GALNTL6: variants seen among roughly 807,000 people sequenced by gnomAD.
The protein encoded by GALNTL6 is polypeptide N-acetylgalactosaminyltransferase like 6.
Under a neutral mutation model 73.7 loss-of-function variants are expected in GALNTL6, and 46 were observed. The ratio of observed to expected loss-of-function variants is 0.62; its 90% CI spans 0.49 to 0.80. The LOEUF (loss-of-function observed/expected upper bound fraction) is 0.80. Among genes scored for constraint, GALNTL6 ranks in the 30% least tolerant of loss-of-function variants. The pLI, the probability that GALNTL6 is intolerant of heterozygous loss-of-function variation, is 0.00. For missense variants in GALNTL6, 604 were observed against 755.0 expected (o/e 0.80, Z 2.34); for synonymous variants, 259 against 263.7 (o/e 0.98, Z 0.17).
intron 2 of GALNTL6, among the ~76,000 whole-genome samples, chr4:172,168,492 A>G (rs55736759): frequency 0.15 from 23,347 of 152,138 alleles, 2,143 homozygotes; most frequent in East Asian, 0.32. Flanking sequence ...GATGATGATG[A>G]TGGTGCTGGT....
At chr4:172,277,656 A>G (rs1039234452) in intron 3 of GALNTL6, among the ~76,000 whole-genome samples, 1 of 152,152 alleles carries the variant, frequency 6.6e-6, no homozygotes, top group African/African-American at 2.4e-5. Flanking sequence ...CCACACTGAC[A>G]TATGTTAATG....
chr4:172,215,277 T>C (rs1736459532), intron 2 of GALNTL6, among the ~76,000 whole-genome samples: 1 of 152,132 alleles, frequency 6.6e-6, no homozygotes, highest in African/African-American at 2.4e-5. Context: ...TGATTGACAG[T>C]ATGGTTCAGG....
chr4:172,087,526 T>C lies in GALNTL6; in HGVS notation c.139-142130T>C, dbSNP rs191362793. Among the ~76,000 whole-genome samples, 466 of 151,784 alleles carry C rather than the reference T, an allele frequency of 3.1e-3. 4 individuals carry two copies. Among genetic ancestry groups the C allele is most frequent in the East Asian group, 0.019 (98 of 5,170 alleles). Reference sequence around the variant, plus strand: ...TGAAACAAGATAGAAATGTATATAGTAATAATGTTCCGTGTTCCACAAACA... The same window carrying C: ...TGAAACAAGATAGAAATGTATATAGCAATAATGTTCCGTGTTCCACAAACA... On this transcript the variant is annotated intron_variant, in intron 2 of 12. Coordinates refer to ENST00000506823, the MANE Select transcript of GALNTL6 (RefSeq NM_001034845.3).
intron 2 of GALNTL6, among the ~76,000 whole-genome samples, chr4:172,115,527 T>C (rs1732963264): frequency 6.6e-6 from 1 of 152,142 alleles, no homozygotes; most frequent in Non-Finnish European, 1.5e-5. Context: ...TTCCAAAATA[T>C]TGGTTTCACA....
intron 3 of GALNTL6, among the ~76,000 whole-genome samples, chr4:172,311,131 T>C (rs1740343065): frequency 6.6e-6 from 1 of 152,200 alleles, no homozygotes; most frequent in Non-Finnish European, 1.5e-5. Context: ...ATTCCATTTC[T>C]GGGGATTTAT....
chr4:172,824,096 G>A (rs1428866768), intron 7 of GALNTL6, among the ~76,000 whole-genome samples: 1 of 152,148 alleles, frequency 6.6e-6, no homozygotes, highest in Non-Finnish European at 1.5e-5. Context: ...TATGCCCTTA[G>A]AATGGGAGGG....
chr4:172,041,414 A>G (rs996157409), intron 2 of GALNTL6, among the ~76,000 whole-genome samples: 2 of 152,084 alleles, frequency 1.3e-5, no homozygotes, highest in Admixed American at 6.6e-5. Flanking sequence ...ATTTTAAAAC[A>G]TATTTAAAAT....
chr4:171,865,918 A>G (rs1022957482), intron 2 of GALNTL6, among the ~76,000 whole-genome samples: 1 of 152,188 alleles, frequency 6.6e-6, no homozygotes, highest in Non-Finnish European at 1.5e-5. Context: ...TACGTAACAA[A>G]TAAGACACTT....
At chr4:172,222,218 G>A (rs971019578) in intron 2 of GALNTL6, among the ~76,000 whole-genome samples, 1 of 151,922 alleles carries the variant, frequency 6.6e-6, no homozygotes, top group Non-Finnish European at 1.5e-5. Context: ...GCAAAGAGGT[G>A]ATGTTTAATC....
chr4:172,719,004 C>A (rs1338248015), intron 5 of GALNTL6, among the ~76,000 whole-genome samples: 1 of 152,152 alleles, frequency 6.6e-6, no homozygotes, highest in Non-Finnish European at 1.5e-5. Context: ...ATTTATATTA[C>A]ATTTAAATTA....
intron 5 of GALNTL6, among the ~76,000 whole-genome samples, chr4:172,738,479 A>AT (rs1358480773): frequency 6.6e-6 from 1 of 152,124 alleles, no homozygotes; most frequent in Non-Finnish European, 1.5e-5. Context: ...ATAAAAATAT[A>AT]TTTTTTTAAT....
chr4:172,720,441 AC>A (rs1412431795), intron 5 of GALNTL6, among the ~76,000 whole-genome samples: 1 of 152,054 alleles, frequency 6.6e-6, no homozygotes, highest in Non-Finnish European at 1.5e-5. Flanking sequence ...CCGAGGCTCC[AC>A]CTCAGTGGGC....
chr4:171,982,514 G>A (rs1251583119), intron 2 of GALNTL6, among the ~76,000 whole-genome samples: 2 of 151,992 alleles, frequency 1.3e-5, no homozygotes, highest in Non-Finnish European at 1.5e-5. Context: ...TAGCCAGGAT[G>A]GTCTTGATCT....
chr4:172,938,924 G>A (rs1220998706), intron 9 of GALNTL6, among the ~76,000 whole-genome samples: 1 of 152,184 alleles, frequency 6.6e-6, no homozygotes, highest in Non-Finnish European at 1.5e-5. Flanking sequence ...CAATAAGGCT[G>A]TCTAATACTT....
intron 5 of GALNTL6, among the ~76,000 whole-genome samples, chr4:172,394,086 T>G (rs2111308695): frequency 6.6e-6 from 1 of 152,296 alleles, no homozygotes; most frequent in East Asian, 1.9e-4. Flanking sequence ...GTAATCTGGC[T>G]TTTATAAGCC....
chr4:171,922,802 T>A (rs1737833558), intron 2 of GALNTL6, among the ~76,000 whole-genome samples: 1 of 152,160 alleles, frequency 6.6e-6, no homozygotes, highest in South Asian at 2.1e-4. Context: ...AACTGCTGAT[T>A]ACATTATACC....
At chr4:172,908,626 G>A (rs986548822) in intron 8 of GALNTL6, among the ~76,000 whole-genome samples, 1 of 151,400 alleles carries the variant, frequency 6.6e-6, no homozygotes, top group Non-Finnish European at 1.5e-5. Flanking sequence ...GTGTGTGTGT[G>A]TGTGTGTGTG....
chr4:172,597,304 A>C (rs576269725), intron 5 of GALNTL6, among the ~76,000 whole-genome samples: 3 of 152,250 alleles, frequency 2.0e-5, no homozygotes, highest in African/African-American at 7.2e-5. Context: ...GATTCTATAA[A>C]TTGCATTCTA....
At position 172,151,938 on chromosome 4, in the gene GALNTL6, ATATCTATCTATCTATCTATC is replaced by A. The variant is rs10528560; in HGVS notation, c.139-77686_139-77667del. On this transcript the variant is annotated intron_variant, in intron 2 of 12. Coordinates refer to ENST00000506823, the MANE Select transcript of GALNTL6 (RefSeq NM_001034845.3). ...TATCTATAATCTATAATATAAATTTATATCTATCTATCTATCTATCTATCTATCTATCTATCTATCTATCT... is the reference window on the plus strand; with the variant it reads ...TATCTATAATCTATAATATAAATTTATATCTATCTATCTATCTATCTATCT... Among the ~76,000 whole-genome samples the A allele has an allele frequency of 2.4e-3, 345 of 146,524 alleles. 1 individual carries two copies. Among genetic ancestry groups the A allele is most frequent in the South Asian group, 0.012 (54 of 4,582 alleles).
Sources: allele counts gnomAD v4.1 joint callset (sites outside exome capture counted in the v4.1 genomes callset), GRCh38; gene constraint gnomAD v4.1.1; transcripts MANE v1.5; gene names NCBI Gene and HGNC (gene_info 2026-07-23, HGNC 2026-07-21).